MEIS1: variants seen among roughly 807,000 people sequenced by gnomAD.
The protein encoded by MEIS1 is homeobox protein Meis1.
MEIS1 carries 5 observed loss-of-function variants against 50.8 expected under a neutral mutation model. That is an observed-to-expected ratio of 0.10 (90% CI 0.05 to 0.21). The LOEUF is 0.21. Ranked by LOEUF, MEIS1 falls within the 10% of genes least tolerant of loss-of-function variation. The probability of loss-of-function intolerance (pLI) is 1.00; values close to 1 mark genes in which losing one functional copy is unlikely to be tolerated. For missense variants in MEIS1, 318 were observed against 517.3 expected, an observed-to-expected ratio of 0.61 and a Z score of 3.74; for synonymous variants, 176 against 179.3, an observed-to-expected ratio of 0.98 and a Z score of 0.15.
Position 66,512,136 on chromosome 2 carries a change from G to T in MEIS1, c.743-13G>T. On this transcript the variant is annotated splice_polypyrimidine_tract_variant and intron_variant, in intron 7 of 12. Transcript: ENST00000272369. ...GGTAGCATCAGTCAAAATTTGATTC[G>T]CTATGTTTGCAGGTGATGGCTTGGA... is the stretch of plus-strand genomic sequence containing the variant. 1.3e-6 allele frequency: 2 copies of T among 1,539,080 alleles called. No homozygotes were observed. The highest frequency in any genetic ancestry group is 1.3e-5 in the South Asian group (1 of 77,774).
chr2:66,516,168 A>G (rs79386880), intron 8 of MEIS1, among the ~76,000 whole-genome samples: 1,527 of 152,272 alleles, frequency 0.01, 26 homozygotes, highest in African/African-American at 0.034. Flanking sequence ...ATTGCAGTCT[A>G]AAGTATAATC....
chr2:66,519,333 G>A (rs190928487), intron 8 of MEIS1, among the ~76,000 whole-genome samples: 30 of 152,272 alleles, frequency 2.0e-4, no homozygotes, highest in Non-Finnish European at 3.8e-4. Context: ...TAATGATAGG[G>A]ATTGTGTAGA....
intron 7 of MEIS1, among the ~76,000 whole-genome samples, chr2:66,477,704 G>T (rs558844386): frequency 1.3e-5 from 2 of 152,264 alleles, no homozygotes; most frequent in Admixed American, 1.3e-4. Flanking sequence ...CCCTTTGCTT[G>T]ACAACTGATT....
intron 7 of MEIS1, among the ~76,000 whole-genome samples, chr2:66,492,967 A>G (rs4671729): frequency 2.0e-5 from 3 of 152,096 alleles, no homozygotes; most frequent in African/African-American, 7.2e-5. Context: ...TAGACCTCCT[A>G]CCTTCATAAA....
At chr2:66,479,588 T>C (rs892475585) in intron 7 of MEIS1, among the ~76,000 whole-genome samples, 8 of 152,202 alleles carry the variant, frequency 5.3e-5, no homozygotes, top group Non-Finnish European at 1.0e-4. Flanking sequence ...GAAGATCTTA[T>C]AAAAATGCAA....
At chr2:66,557,852 A>C (rs1675104988) in intron 9 of MEIS1, among the ~76,000 whole-genome samples, 1 of 152,142 alleles carries the variant, frequency 6.6e-6, no homozygotes, top group Non-Finnish European at 1.5e-5. Context: ...CAGCACCTAA[A>C]CACTGCTAGA....
chr2:66,569,013 T>C (rs1675420883), intron 11 of MEIS1, 37 bp from the exon 12 acceptor site: 2 of 1,594,040 alleles, frequency 1.3e-6, no homozygotes, highest in Admixed American at 1.7e-5. Flanking sequence ...CTTTGCTCAT[T>C]TTCTGGCCTC....
chr2:66,467,886 G>T (rs1437852915), intron 7 of MEIS1, among the ~76,000 whole-genome samples: 1 of 152,118 alleles, frequency 6.6e-6, no homozygotes, highest in Non-Finnish European at 1.5e-5. Context: ...GTGTTTGGTT[G>T]GGGATTCTGT....
At chr2:66,492,082 T>G (rs1270148333) in intron 7 of MEIS1, among the ~76,000 whole-genome samples, 1 of 149,862 alleles carries the variant, frequency 6.7e-6, no homozygotes, top group Non-Finnish European at 1.5e-5. Context: ...TGTGTGTGTG[T>G]GTGTGTGTCT....
intron 6 of MEIS1, among the ~76,000 whole-genome samples, chr2:66,445,542 C>G (rs908744495): frequency 5.3e-5 from 8 of 152,238 alleles, no homozygotes; most frequent in African/African-American, 1.9e-4. Context: ...TGCAGCCCAG[C>G]CAGTTTGAGC....
At chr2:66,550,500 T>C (rs2103936538) in intron 9 of MEIS1, among the ~76,000 whole-genome samples, 1 of 150,938 alleles carries the variant, frequency 6.6e-6, no homozygotes, top group Non-Finnish European at 1.5e-5. Context: ...TGTTTTGTTT[T>C]GTTTTGTTTT....
At chr2:66,544,215 T>C (rs1048732357) in intron 8 of MEIS1, among the ~76,000 whole-genome samples, 4 of 152,202 alleles carry the variant, frequency 2.6e-5, no homozygotes, top group Non-Finnish European at 5.9e-5. Context: ...TTTCAATGTT[T>C]TTTTTTCAGC....
chr2:66,476,939 G>A (rs1018243755), intron 7 of MEIS1, among the ~76,000 whole-genome samples: 12 of 152,162 alleles, frequency 7.9e-5, no homozygotes, highest in Non-Finnish European at 1.2e-4. Context: ...AGGAAGGAGA[G>A]AGAGCATGCC....
At chr2:66,464,413 C>T (rs538284462) in intron 7 of MEIS1, among the ~76,000 whole-genome samples, 193 bp downstream of exon 7, 42 of 152,304 alleles carry the variant, frequency 2.8e-4, no homozygotes, top group African/African-American at 9.6e-4. Flanking sequence ...CTGTCTGTCA[C>T]CTGGCCAGCT....
chr2:66,558,874 G>A (rs1035891818), intron 9 of MEIS1, among the ~76,000 whole-genome samples: 6 of 152,160 alleles, frequency 3.9e-5, no homozygotes, highest in African/African-American at 1.4e-4. Flanking sequence ...AGGCACAGTG[G>A]CTTATGCCTG....
At chr2:66,453,746 A>G (rs1373790241) in intron 6 of MEIS1, among the ~76,000 whole-genome samples, 3 of 151,998 alleles carry the variant, frequency 2.0e-5, no homozygotes, top group Non-Finnish European at 2.9e-5. Context: ...AATCAGCGGT[A>G]AATATAAATT....
At chr2:66,522,700 G>A (rs1674153694) in intron 8 of MEIS1, among the ~76,000 whole-genome samples, 1 of 152,230 alleles carries the variant, frequency 6.6e-6, no homozygotes, top group Admixed American at 6.5e-5. Context: ...GATGAAGCCA[G>A]GGCTTCTGAC....
chr2:66,491,093 A>G (rs74318812), intron 7 of MEIS1, among the ~76,000 whole-genome samples: 1 of 151,804 alleles, frequency 6.6e-6, no homozygotes, highest in African/African-American at 2.4e-5. Flanking sequence ...GGAAAAAAAA[A>G]AGAGAATAAA....
intron 7 of MEIS1, among the ~76,000 whole-genome samples, chr2:66,481,309 C>A (rs1337201045): frequency 6.6e-6 from 1 of 152,182 alleles, no homozygotes; most frequent in Non-Finnish European, 1.5e-5. Context: ...TCTTTCTAAG[C>A]CCCCATTGCT....
Sources: gnomAD v4.1 joint callset for allele counts (sites outside exome capture counted in the v4.1 genomes callset) on GRCh38, gnomAD v4.1.1 for gene constraint, MANE v1.5 for transcripts, NCBI Gene and HGNC (gene_info 2026-07-23, HGNC 2026-07-21) for gene names.